The following CPM variants were observed in gnomAD, a reference collection of about 807,000 sequenced individuals.
CPM encodes the protein carboxypeptidase M.
In CPM, 35 loss-of-function variants were observed where a neutral mutation model predicts 46.4. That is an observed-to-expected ratio of 0.75 (90% CI 0.58 to 1.00). The LOEUF is 1.00. Ranked by LOEUF, CPM falls within the 50% of genes least tolerant of loss-of-function variation. The pLI is 0.00. For synonymous variants in CPM, 195 were observed against 195.3 expected (o/e 1.00, Z 0.01); for missense variants, 422 against 530.4 (o/e 0.80, Z 2.01).
chr12:68,872,252 CTTTTTTT>C (rs10659287), intron 3 of CPM, among the ~76,000 whole-genome samples: 3 of 117,252 alleles, frequency 2.6e-5, no homozygotes, highest in African/African-American at 7.0e-5. Flanking sequence ...CTGCTGCTTC[CTTTTTTT>C]TTTTTTTTTT....
intron 2 of CPM, among the ~76,000 whole-genome samples, chr12:68,891,799 T>C (rs1886664054): frequency 6.6e-6 from 1 of 152,000 alleles, no homozygotes; most frequent in African/African-American, 2.4e-5. Flanking sequence ...TGCATTAGAG[T>C]AATCGCGGCT....
intron 3 of CPM, among the ~76,000 whole-genome samples, chr12:68,884,943 GTGTTT>G (rs1387384066): frequency 1.3e-5 from 2 of 151,998 alleles, no homozygotes; most frequent in East Asian, 1.9e-4. Context: ...ATTTAAAATT[GTGTTT>G]TGTTTTGTTT....
chr12:68,925,818 C>T (rs137937948), intron 2 of CPM, among the ~76,000 whole-genome samples: 277 of 152,054 alleles, frequency 1.8e-3, no homozygotes, highest in African/African-American at 6.1e-3. Flanking sequence ...CAGCACAGTC[C>T]GATCAAAATA....
chr12:68,929,444 T>C (rs940219627), intron 2 of CPM, among the ~76,000 whole-genome samples: 1 of 152,202 alleles, frequency 6.6e-6, no homozygotes. Context: ...ACACTGTACC[T>C]TTTCTGATTT....
intron 2 of CPM, among the ~76,000 whole-genome samples, chr12:68,888,746 T>C (rs764722645): frequency 6.6e-6 from 1 of 152,180 alleles, no homozygotes; most frequent in Admixed American, 6.5e-5. Context: ...ACAAAGTAAA[T>C]GAAGTTTGGA....
rs1592708672 is a variant in CPM, at chr12:68,932,709, A to T, written c.129T>A (p.Thr43=). The change falls in exon 2 of 9, where the codon ACT becomes ACA. Residue 43 remains threonine (T), a synonymous_variant. Transcript: ENST00000551568. ...KTVAQNYSSV[T]HLHSIGKSVK... Reference sequence around the variant, plus strand: ...CAGATTTCCCAATACTGTGTAAGTGAGTGACAGAACTGTAGTTTTGGGCAA... The same window carrying T: ...CAGATTTCCCAATACTGTGTAAGTGTGTGACAGAACTGTAGTTTTGGGCAA... 5 of 1,614,222 alleles carry T rather than the reference A, an allele frequency of 3.1e-6. No homozygotes were observed. The highest frequency in any genetic ancestry group is 2.2e-5 in the East Asian group (1 of 44,884).
At position 68,845,414 on chromosome 12, in the gene CPM, TAAAAC is replaced by T. The variant is rs1884210235; in HGVS notation, c.534-3090_534-3086del. The T allele has an allele frequency of 1.4e-5, 3 of 208,288 alleles. No individual in the cohort carries two copies. In the East Asian group the frequency reaches 2.2e-4, roughly 15 times the overall value. 12.9% of individuals were successfully genotyped at this position (208,288 alleles called of 1,614,324 possible). A position where few individuals can be genotyped will look rare whatever the true frequency, so the allele number is the denominator to read the frequency against. On this transcript the variant is annotated intron_variant, in intron 5 of 5. Transcript: ENST00000551897. Reference sequence around the variant, plus strand: ...ATGAGCTAACAAACGAAAGGCAAAATAAAACCGTAAAGCAAGCAGATGGGAGGCGT... The same window carrying T: ...ATGAGCTAACAAACGAAAGGCAAAATCGTAAAGCAAGCAGATGGGAGGCGT...
intron 8 of CPM, among the ~76,000 whole-genome samples, chr12:68,857,626 G>A (rs564229148): frequency 6.6e-6 from 1 of 151,968 alleles, no homozygotes; most frequent in East Asian, 1.9e-4. Flanking sequence ...ATATGGTGGA[G>A]AAGGGAAAAA....
intron 1 of CPM, among the ~76,000 whole-genome samples, chr12:68,949,531 T>C (rs1888902480): frequency 6.6e-6 from 1 of 152,222 alleles, no homozygotes; most frequent in Non-Finnish European, 1.5e-5. Flanking sequence ...TCCTGTAAGC[T>C]TCAGTTTCTT....
chr12:68,860,938 T>G (rs1297825608), intron 7 of CPM, among the ~76,000 whole-genome samples: 2 of 151,814 alleles, frequency 1.3e-5, no homozygotes, highest in Non-Finnish European at 2.9e-5. Context: ...TGGAGTGCAG[T>G]GGTGTGATCA....
intron 1 of CPM, among the ~76,000 whole-genome samples, chr12:68,942,776 C>T (rs1469225064): frequency 6.6e-6 from 1 of 152,170 alleles, no homozygotes; most frequent in African/African-American, 2.4e-5. Flanking sequence ...TGTCTTATCC[C>T]CTAGTGGTTT....
chr12:68,942,408 C>A (rs150939616), intron 1 of CPM, among the ~76,000 whole-genome samples: 6 of 152,138 alleles, frequency 3.9e-5, no homozygotes, highest in Admixed American at 3.3e-4. Context: ...AATCAAAAAG[C>A]GTACCATAGG....
chr12:68,940,133 T>G (rs1234481145), intron 1 of CPM, among the ~76,000 whole-genome samples: 1 of 151,996 alleles, frequency 6.6e-6, no homozygotes, highest in Non-Finnish European at 1.5e-5. Flanking sequence ...TCTCATTTTT[T>G]AAAATTAATT....
intron 2 of CPM, among the ~76,000 whole-genome samples, chr12:68,898,578 T>C (rs150584608): frequency 6.6e-6 from 1 of 152,282 alleles, no homozygotes; most frequent in East Asian, 1.9e-4. Context: ...TGTTTTGAGA[T>C]TTAAATCTCA....
At chr12:68,910,186 T>C (rs966685978) in intron 2 of CPM, among the ~76,000 whole-genome samples, 5 of 152,066 alleles carry the variant, frequency 3.3e-5, no homozygotes, top group East Asian at 1.9e-4. Flanking sequence ...AAGTTATAAA[T>C]GACCTAAAGA....
chr12:68,934,697 G>C (rs1402721079), upstream of CPM, among the ~76,000 whole-genome samples: 2 of 152,126 alleles, frequency 1.3e-5, no homozygotes, highest in Non-Finnish European at 2.9e-5. Context: ...CACGGGATGA[G>C]TGCCAATTCT....
At chr12:68,847,476 C>T (rs1484218638), downstream of CPM, 1 of 34,964 alleles carries the variant, frequency 2.9e-5, no homozygotes, top group East Asian at 5.0e-4. Context: ...TTTTTTGAGA[C>T]GGAGTCCCGC....
intron 1 of CPM, among the ~76,000 whole-genome samples, chr12:68,941,170 C>CGTGTGTGTGTGTGTGTGTGT (rs370705580): frequency 1.4e-5 from 2 of 140,506 alleles, no homozygotes; most frequent in African/African-American, 2.7e-5. Flanking sequence ...GTGCTGAGTA[C>CGTGTGTGTGTGTGTGTGTGT]GTGTGTGTGT....
At chr12:68,908,194 T>A (rs1281498519) in intron 2 of CPM, among the ~76,000 whole-genome samples, 1 of 152,200 alleles carries the variant, frequency 6.6e-6, no homozygotes, top group African/African-American at 2.4e-5. Context: ...AAAATTCCAT[T>A]ACAAGTAGAA....
Sources: allele counts gnomAD v4.1 joint callset (sites outside exome capture counted in the v4.1 genomes callset), GRCh38; gene constraint gnomAD v4.1.1; transcripts MANE v1.5; gene names NCBI Gene and HGNC (gene_info 2026-07-23, HGNC 2026-07-21).